TFDP1: variants seen among roughly 807,000 people sequenced by gnomAD.
TFDP1 encodes DRTF1-polypeptide 1.
In TFDP1, 6 loss-of-function variants were observed where a neutral mutation model predicts 48.0. The observed-to-expected ratio is 0.13, with a 90% CI of 0.07 to 0.25. The LOEUF is 0.25. Among genes scored for constraint, TFDP1 ranks in the 10% least tolerant of loss-of-function variants. TFDP1 has a pLI of 1.00. For missense variants in TFDP1, 335 were observed against 543.0 expected, an observed-to-expected ratio of 0.62 and a Z score of 3.81; for synonymous variants, 201 against 211.6, an observed-to-expected ratio of 0.95 and a Z score of 0.44.
chr13:113,618,884 A>G (rs897034720), intron 3 of TFDP1, among the ~76,000 whole-genome samples: 66 of 152,390 alleles, frequency 4.3e-4, no homozygotes, highest in African/African-American at 1.4e-3. Context: ...AATGCGAGCC[A>G]TATAATATTT....
intron 9 of TFDP1, among the ~76,000 whole-genome samples, 155 bp from the exon 10 acceptor site, chr13:113,636,379 A>G (rs2049488437): frequency 6.6e-6 from 1 of 152,142 alleles, no homozygotes; most frequent in African/African-American, 2.4e-5. Flanking sequence ...CATCTCATTT[A>G]CTTCAGAGTT....
At chr13:113,610,139 C>T (rs984161552) in intron 2 of TFDP1, among the ~76,000 whole-genome samples, 1 of 150,992 alleles carries the variant, frequency 6.6e-6, no homozygotes, top group Non-Finnish European at 1.5e-5. Flanking sequence ...GCTGTACTGT[C>T]ATGTGTGTGC....
chr13:113,634,843 A>ATGTGCCTGTGTGCGTGCGTGCG (rs1176522856), intron 8 of TFDP1, among the ~76,000 whole-genome samples: 1 of 147,576 alleles, frequency 6.8e-6, no homozygotes, highest in Admixed American at 6.7e-5. Flanking sequence ...GTGTGTGTGC[A>ATGTGCCTGTGTGCGTGCGTGCG]TGTGCCTGTG....
chr13:113,604,611 G>A (rs1288397622), intron 2 of TFDP1, among the ~76,000 whole-genome samples: 4 of 150,300 alleles, frequency 2.7e-5, no homozygotes, highest in Non-Finnish European at 4.4e-5. Flanking sequence ...CACCCCTTGC[G>A]CATCCTGTTG....
intron 5 of TFDP1, among the ~76,000 whole-genome samples, chr13:113,632,628 A>T (rs1002361606): frequency 3.9e-5 from 6 of 152,158 alleles, no homozygotes; most frequent in African/African-American, 1.4e-4. Context: ...ATACAAAAAA[A>T]TTAGCCAGAT....
rs188328205 is a variant in TFDP1 at position 113,592,124 on chromosome 13, G to C, written c.12+6275G>C. Among the ~76,000 whole-genome samples the C allele has an allele frequency of 3.9e-5, 6 of 152,294 alleles. 1 individual carries two copies. The East Asian group carries it at 1.2e-3, about 29-fold the overall frequency. ...GACTCAAGGATGAAGAGTTATATCT[G>C]CCTCTTCCCGTTAGTCTTTTATGTG... On this transcript the variant is annotated intron_variant, in intron 2 of 11. Coordinates refer to ENST00000375370, the MANE Select transcript of TFDP1 (RefSeq NM_007111.5).
At chr13:113,637,986 C>CA (rs1263154967) in intron 11 of TFDP1, 90 bp downstream of exon 11, 1 of 1,533,230 alleles carries the variant, frequency 6.5e-7, no homozygotes, top group Non-Finnish European at 8.8e-7. Context: ...CAGGTGTGGC[C>CA]ATCAGGTCTG....
intron 4 of TFDP1, among the ~76,000 whole-genome samples, chr13:113,625,076 C>T (rs1416389481): frequency 3.1e-4 from 42 of 134,870 alleles, no homozygotes; most frequent in African/African-American, 1.0e-3. Flanking sequence ...TCTCACGTGT[C>T]CTCAGGTGTC....
chr13:113,631,946 G>C, intron 5 of TFDP1: 1 of 690,508 alleles, frequency 1.4e-6, no homozygotes. Context: ...TGGAGAAGTC[G>C]GGCTGGGCAC....
chr13:113,623,040 G>A lies in TFDP1; in HGVS notation c.80-140G>A. 1.3e-6 allele frequency: 1 copy of A among 743,392 alleles called. No individual in the cohort carries two copies. Among genetic ancestry groups the A allele is most frequent in the South Asian group, 1.8e-5 (1 of 56,444 alleles). The allele number at this position is 743,392 out of a possible 1,614,324, so 46.0% of individuals were successfully genotyped here. A position where few individuals can be genotyped will look rare whatever the true frequency, so the allele number is the denominator to read the frequency against. ...CAAGCTTCATGGAGGTGTTGCTCTT[G>A]AGCCCTGGATTTGAGACAGTACACG... is the stretch of plus-strand genomic sequence containing the variant. On this transcript the variant is annotated intron_variant, in intron 3 of 11. Transcript: ENST00000375370. The surrounding 1 kb of genome is among the most constrained non-coding windows in gnomAD (Gnocchi z 5.2).
At chr13:113,634,246 CTAGTG>C in intron 7 of TFDP1, 1 of 712,852 alleles carries the variant, frequency 1.4e-6, no homozygotes, top group Non-Finnish European at 2.5e-6. Flanking sequence ...CTGTTAAACT[CTAGTG>C]TAGGTTAATT....
At position 113,585,768 on chromosome 13, in the gene TFDP1, T is replaced by TTA; in HGVS notation, c.-64-6_-64-5insTA. The TTA allele has an allele frequency of 1.5e-6, 2 of 1,320,240 alleles. No individual in the cohort carries two copies. Among genetic ancestry groups the TTA allele is most frequent in the Admixed American group, 2.3e-5 (1 of 44,280 alleles). 81.8% of individuals were successfully genotyped at this position (1,320,240 alleles called of 1,614,324 possible). ...TTTTCCTTACTTTTTTTTTTTTTTT[T>TTA]ACCAGAAAAATCATTTTTCTTCTCT... is the stretch of plus-strand genomic sequence containing the variant. On this transcript the variant is annotated splice_polypyrimidine_tract_variant and splice_region_variant and intron_variant, in intron 1 of 11. Coordinates refer to ENST00000375370, the MANE Select transcript of TFDP1 (RefSeq NM_007111.5).
chr13:113,637,222 T>A (rs540398507), intron 10 of TFDP1: 1 of 200,468 alleles, frequency 5.0e-6, no homozygotes, highest in Non-Finnish European at 1.0e-5. Context: ...TCCCAGCCAC[T>A]GACAGCAGGA....
At chr13:113,615,625 CA>C (rs2048837622) in intron 3 of TFDP1, among the ~76,000 whole-genome samples, 1 of 152,160 alleles carries the variant, frequency 6.6e-6, no homozygotes, top group Non-Finnish European at 1.5e-5. Context: ...ACGTTTAGGC[CA>C]GGTGCAGGGG....
chr13:113,624,169 C>T (rs1246735017), intron 4 of TFDP1, among the ~76,000 whole-genome samples: 2 of 152,162 alleles, frequency 1.3e-5, no homozygotes, highest in Non-Finnish European at 1.5e-5. Flanking sequence ...TGATGCAGCA[C>T]CTCTTGCACC....
At chr13:113,584,955 G>GC (rs1447104326) in intron 1 of TFDP1, 67 bp downstream of exon 1, 4 of 146,374 alleles carry the variant, frequency 2.7e-5, no homozygotes, top group African/African-American at 9.8e-5. Context: ...GGGACCCCCG[G>GC]CCACCCCATC....
intron 7 of TFDP1, 50 bp downstream of exon 7, chr13:113,634,083 G>A: frequency 6.2e-7 from 1 of 1,613,508 alleles, no homozygotes; most frequent in Admixed American, 1.7e-5. Context: ...AGTCCGTGTA[G>A]ATGTTTTAGT....
chr13:113,597,386 C>A (rs2048311961), intron 2 of TFDP1, among the ~76,000 whole-genome samples: 1 of 152,186 alleles, frequency 6.6e-6, no homozygotes, highest in South Asian at 2.1e-4. Flanking sequence ...CAGGCCTGGA[C>A]CCCGTCGCGC....
At chr13:113,625,901 A>AGGTGTCTCTCACG (rs2049157748) in intron 4 of TFDP1, among the ~76,000 whole-genome samples, 8 of 52,290 alleles carry the variant, frequency 1.5e-4, no homozygotes, top group East Asian at 8.2e-4. Flanking sequence ...TGTCTCTCAC[A>AGGTGTCTCTCACG]TGTCCTCAGG....
Sources: allele counts gnomAD v4.1 joint callset (sites outside exome capture counted in the v4.1 genomes callset), GRCh38; gene constraint gnomAD v4.1.1; non-coding constraint Gnocchi (gnomAD v3.1); transcripts MANE v1.5; gene names NCBI Gene and HGNC (gene_info 2026-07-23, HGNC 2026-07-21).